The following DNAH14 variants were observed in gnomAD, a reference collection of about 807,000 sequenced individuals.
DNAH14 encodes the protein axonemal beta dynein heavy chain 14.
DNAH14 carries 478 observed loss-of-function variants against 520.9 expected under a neutral mutation model. That is an observed-to-expected ratio of 0.92 (90% CI 0.85 to 0.99). The LOEUF (loss-of-function observed/expected upper bound fraction) is 0.99, where lower values mean the gene tolerates loss of function less well. Ranked by LOEUF, DNAH14 falls within the 50% of genes least tolerant of loss-of-function variation. The pLI is 0.00. For missense variants in DNAH14, 4,831 were observed against 5,234.5 expected (o/e 0.92, Z 2.38); for synonymous variants, 1,581 against 1,757.2 (o/e 0.90, Z 2.51).
intron 15 of DNAH14, among the ~76,000 whole-genome samples, chr1:225,046,966 T>C (rs1298945434): frequency 6.6e-6 from 1 of 152,154 alleles, no homozygotes; most frequent in Non-Finnish European, 1.5e-5. Context: ...GCTCATCTTG[T>C]ATTTTCTCTG....
chr1:225,388,342 GA>G (rs745631044), intron 81 of DNAH14, 36 bp from the exon 82 acceptor site: 29 of 1,345,316 alleles, frequency 2.2e-5, no homozygotes, highest in South Asian at 1.1e-4. Context: ...CAAAGACAAA[GA>G]AAAAAAATGA....
chr1:225,181,778 G>C (rs12068193), intron 36 of DNAH14, among the ~76,000 whole-genome samples: 1 of 151,974 alleles, frequency 6.6e-6, no homozygotes, highest in East Asian at 1.9e-4. Context: ...TCTTCTCCCC[G>C]CTGTTTATTT....
chr1:225,390,943 G>T (rs1036248728), intron 83 of DNAH14, among the ~76,000 whole-genome samples: 7 of 152,062 alleles, frequency 4.6e-5, no homozygotes, highest in African/African-American at 1.7e-4. Flanking sequence ...TTCTGGGGGT[G>T]GGGGGAAACT....
At chr1:225,186,875 G>T (rs1347793608) in intron 37 of DNAH14, among the ~76,000 whole-genome samples, 1 of 151,678 alleles carries the variant, frequency 6.6e-6, no homozygotes, top group Non-Finnish European at 1.5e-5. Context: ...AGATATAATT[G>T]TAATAAACAT....
intron 45 of DNAH14, among the ~76,000 whole-genome samples, chr1:225,258,669 A>G (rs1414551138): frequency 6.6e-6 from 1 of 152,160 alleles, no homozygotes; most frequent in African/African-American, 2.4e-5. Context: ...CTCAGATAAC[A>G]CATACCTTGC....
chr1:225,302,223 G>A (rs1039721253), intron 56 of DNAH14, among the ~76,000 whole-genome samples: 7 of 150,896 alleles, frequency 4.6e-5, no homozygotes, highest in African/African-American at 1.2e-4. Flanking sequence ...ACTTTAAACT[G>A]CTAACATTTG....
intron 69 of DNAH14, among the ~76,000 whole-genome samples, chr1:225,340,936 T>A (rs796967025): frequency 4.6e-5 from 7 of 152,302 alleles, no homozygotes; most frequent in African/African-American, 1.7e-4. Context: ...ACCCTGTAAC[T>A]GGTATAAGTT....
chr1:225,083,377 C>A (rs1171916403), intron 20 of DNAH14, among the ~76,000 whole-genome samples: 6 of 151,984 alleles, frequency 3.9e-5, no homozygotes, highest in Admixed American at 3.3e-4. Context: ...AACATGAGCA[C>A]CTTTTTTAAG....
Position 225,296,127 on chromosome 1 carries a change from T to C in DNAH14, c.8470-4742T>C, listed in dbSNP as rs547327648. Among the ~76,000 whole-genome samples, 19 of 152,316 alleles carry C rather than the reference T, an allele frequency of 1.2e-4. 1 individual carries two copies. The highest frequency in any genetic ancestry group is 4.6e-4 in the African/African-American group (19 of 41,578). ...TCCCTTCACTGTCACTCTATGTCTG[T>C]CTTTACAAGTGTGGTGAATTTCTTA... is the stretch of plus-strand genomic sequence containing the variant. On this transcript the variant is annotated intron_variant, in intron 55 of 85. Transcript: ENST00000682510.
chr1:225,337,273 G>A lies in DNAH14; in HGVS notation c.10088G>A (p.Arg3363Gln), dbSNP rs199848334. Residue 3363 changes from arginine (R) to glutamine (Q), a missense_variant, in exon 67 of 86, where the codon CGA becomes CAA. Arg to Gln is a conservative substitution (Grantham distance 43). Transcript: ENST00000682510. ...KVMAQKYEISRWHNQGLPHGQ... is the reference protein window; with the variant it reads ...KVMAQKYEISQWHNQGLPHGQ... Reference sequence around the variant, plus strand: ...CTAATAATTTCATTGCAGATCAGCCGATGGCATAATCAGGGACTGCCTCAT... The same window carrying A: ...CTAATAATTTCATTGCAGATCAGCCAATGGCATAATCAGGGACTGCCTCAT... 6.9e-5 allele frequency: 107 copies of A among 1,551,270 alleles called. 1 individual carries two copies. In the East Asian group the frequency reaches 1.8e-3, roughly 26 times the overall value.
At chr1:225,335,988 C>T (rs528374548) in intron 66 of DNAH14, among the ~76,000 whole-genome samples, 18 of 129,860 alleles carry the variant, frequency 1.4e-4, no homozygotes, top group East Asian at 9.6e-4. Flanking sequence ...TGTGTATATA[C>T]ACACATATGC....
At chr1:225,336,195 T>C (rs887245025) in intron 66 of DNAH14, among the ~76,000 whole-genome samples, 2 of 147,396 alleles carry the variant, frequency 1.4e-5, no homozygotes, top group African/African-American at 5.0e-5. Context: ...TGCAACAGTA[T>C]AAACCAAAGC....
rs2087508026 is a variant in DNAH14, at chr1:225,206,015, T to A, written c.6022T>A (p.Phe2008Ile). 2 of 1,551,600 alleles carry A rather than the reference T, an allele frequency of 1.3e-6. No homozygotes were observed. Among genetic ancestry groups the A allele is most frequent in the Non-Finnish European group, 1.7e-6 (2 of 1,146,824 alleles). The change falls in exon 40 of 86, where the codon TTT becomes ATT. Residue 2008 changes from phenylalanine (F) to isoleucine (I), a missense_variant. By Grantham distance (21) the Phe-to-Ile change is conservative. Coordinates refer to ENST00000682510, the MANE Select transcript of DNAH14 (RefSeq NM_001367479.1). ...WIILDGPVDT[F>I]WVENLNSVLD... ...TATCCTAGATGGCCCAGTGGACACC[T>A]TTTGGGTAGAAAATCTGAACTCTGT...
chr1:225,124,327 T>C (rs757500963), intron 27 of DNAH14, among the ~76,000 whole-genome samples: 5 of 152,204 alleles, frequency 3.3e-5, no homozygotes, highest in Non-Finnish European at 7.3e-5. Flanking sequence ...AAAGATTTCT[T>C]TGTAGCGTGC....
Position 225,272,960 on chromosome 1 carries a change from C to G in DNAH14, c.7845C>G (p.Leu2615=), listed in dbSNP as rs2093353596. The G allele has an allele frequency of 6.5e-7, 1 of 1,532,754 alleles. No homozygotes were observed. The highest frequency in any genetic ancestry group is 8.8e-7 in the Non-Finnish European group (1 of 1,141,940). 94.9% of individuals were successfully genotyped at this position (1,532,754 alleles called of 1,614,324 possible). A position where few individuals can be genotyped will look rare whatever the true frequency, so the allele number is the denominator to read the frequency against. The stretch of plus-strand genomic sequence containing the variant: ...TATTTTTAAATCCCTAACAGCTTCT[C>G]CTAGGATTGCTGCAAGCTGACAGGA... ...MFNLRDMFKL[L]LGLLQADRTV... is the part of the protein sequence containing the mutation. Residue 2615 remains leucine, a synonymous_variant, in exon 52 of 86, where the codon CTC becomes CTG. Transcript: ENST00000682510.
chr1:225,157,351 G>C (rs1362915364), intron 34 of DNAH14, among the ~76,000 whole-genome samples: 1 of 152,108 alleles, frequency 6.6e-6, no homozygotes, highest in African/African-American at 2.4e-5. Flanking sequence ...AAAGTGGTAT[G>C]ATGAAGACAA....
intron 27 of DNAH14, among the ~76,000 whole-genome samples, chr1:225,139,622 TA>T (rs1462941871): frequency 6.6e-6 from 1 of 152,218 alleles, no homozygotes; most frequent in Admixed American, 6.5e-5. Flanking sequence ...ATATAGTAAT[TA>T]AAAATTCCTT....
chr1:225,246,880 T>C (rs1263163165), intron 43 of DNAH14, among the ~76,000 whole-genome samples: 1 of 152,232 alleles, frequency 6.6e-6, no homozygotes, highest in South Asian at 2.1e-4. Context: ...TTACTGGGTA[T>C]ATACCCAAAG....
intron 82 of DNAH14, 88 bp from the exon 83 acceptor site, chr1:225,389,646 A>C: frequency 7.1e-7 from 1 of 1,402,804 alleles, no homozygotes; most frequent in Non-Finnish European, 9.6e-7. Flanking sequence ...AAGTAAAAGA[A>C]GGGCCCTGGG....
Sources: gnomAD v4.1 joint callset for allele counts (sites outside exome capture counted in the v4.1 genomes callset) on GRCh38, gnomAD v4.1.1 for gene constraint, MANE v1.5 for transcripts, NCBI Gene and HGNC (gene_info 2026-07-23, HGNC 2026-07-21) for gene names.